Variants in RPL15 observed in about 807,000 individuals in gnomAD.
The protein encoded by RPL15 is large ribosomal subunit protein eL15.
For synonymous variants in RPL15, 97 were observed against 95.1 expected (o/e 1.02, Z -0.12); for missense variants, 161 against 271.8 (o/e 0.59, Z 2.87).
Position 23,919,729 on chromosome 3 carries a change from T to C in RPL15, c.*228T>C, listed in dbSNP as rs188707069. On this transcript the variant is annotated 3_prime_UTR_variant, in exon 4 of 4. Coordinates refer to ENST00000307839, the MANE Select transcript of RPL15 (RefSeq NM_002948.5). ...TGCTTTATCTTATTAGGGAGTTGTA[T>C]GTCAGTGTATAAAACATACTGTGTG... is the stretch of plus-strand genomic sequence containing the variant. The C allele has an allele frequency of 7.4e-7, 1 of 1,348,308 alleles. No individual in the cohort carries two copies. The highest frequency in any genetic ancestry group is 1.5e-5 in the African/African-American group (1 of 68,558). The allele number at this position is 1,348,308 out of a possible 1,614,324, so 83.5% of individuals were successfully genotyped here.
rs1174631160 is a variant in RPL15 at position 23,917,910 on chromosome 3, T to A, written c.51T>A (p.Asp17Glu). Residue 17 changes from aspartate to glutamate, a missense_variant, in exon 2 of 4, where the codon GAT becomes GAA. Transcript: ENST00000307839. ...IQELWRKKQS[D>E]VMRFLLRVRC... Reference sequence around the variant, plus strand: ...AGCTATGGAGAAAGAAGCAGTCTGATGTCATGCGCTTTCTTCTGAGGGTCC... The same window carrying A: ...AGCTATGGAGAAAGAAGCAGTCTGAAGTCATGCGCTTTCTTCTGAGGGTCC... 6.2e-7 allele frequency: 1 copy of A among 1,613,642 alleles called. No individual in the cohort carries two copies. The highest frequency in any genetic ancestry group is 8.5e-7 in the Non-Finnish European group (1 of 1,179,850).
chr3:23,919,487 C>T lies in RPL15; in HGVS notation c.601C>T (p.His201Tyr). Reference protein sequence around the residue: ...AWRRRNTLQLHRYR With the variant: ...AWRRRNTLQLYRYR ...GAGAAGGCGCAATACTCTCCAGCTC[C>T]ACCGTTACCGCTAATATAAGTAAAG... Residue 201 changes from histidine to tyrosine, a missense_variant, in exon 4 of 4, where the codon CAC becomes TAC. Transcript: ENST00000307839. The T allele has an allele frequency of 6.4e-7, 1 of 1,574,204 alleles. No homozygotes were observed.
In RPL15 at chr3:23,920,516, T is replaced by G; in HGVS notation, c.*1015T>G. ...CTATGAGTATACCACCACATTGCATTTCTGTTTGCACCATGTCTTCCAGGA... is the reference window on the plus strand; with the variant it reads ...CTATGAGTATACCACCACATTGCATGTCTGTTTGCACCATGTCTTCCAGGA... On this transcript the variant is annotated 3_prime_UTR_variant, in exon 4 of 4. Coordinates refer to ENST00000307839, the MANE Select transcript of RPL15 (RefSeq NM_002948.5). 5 of 985,272 alleles carry G rather than the reference T, an allele frequency of 5.1e-6. No individual in the cohort carries two copies. The highest frequency in any genetic ancestry group is 6.0e-6 in the Non-Finnish European group (5 of 829,798). 61.0% of individuals were successfully genotyped at this position (985,272 alleles called of 1,614,324 possible).
At chr3:23,918,161 C>T in intron 2 of RPL15, 130 bp downstream of exon 2, 8 of 1,186,760 alleles carry the variant, frequency 6.7e-6, no homozygotes, top group Middle Eastern at 2.8e-4. Flanking sequence ...AAGCTAGCAA[C>T]ACTGGTCAGT....
downstream of RPL15, chr3:23,921,511 C>G (rs1705078157): frequency 3.0e-6 from 2 of 674,226 alleles, no homozygotes; most frequent in Non-Finnish European, 5.3e-6. Flanking sequence ...CAAGCTGTTC[C>G]CATTTGCTTT....
chr3:23,920,765 AAAG>A lies in RPL15; in HGVS notation c.*1267_*1269del. On this transcript the variant is annotated 3_prime_UTR_variant, in exon 4 of 4. Coordinates refer to ENST00000307839, the MANE Select transcript of RPL15 (RefSeq NM_002948.5). ...TTGAGACCTAAATTTCTTCACAAAAAAAGAAAAGATCTTAAGTCATACATTTTA... is the reference window on the plus strand; with the variant it reads ...TTGAGACCTAAATTTCTTCACAAAAAAAAAGATCTTAAGTCATACATTTTA... The A allele has an allele frequency of 1.0e-6, 1 of 971,244 alleles. No individual in the cohort carries two copies. Among genetic ancestry groups the A allele is most frequent in the Non-Finnish European group, 1.2e-6 (1 of 816,974 alleles). The allele number at this position is 971,244 out of a possible 1,614,324, so 60.2% of individuals were successfully genotyped here. A position where few individuals can be genotyped will look rare whatever the true frequency, so the allele number is the denominator to read the frequency against.
At chr3:23,918,144 C>A in intron 2 of RPL15, 113 bp downstream of exon 2, 1 of 1,327,774 alleles carries the variant, frequency 7.5e-7, no homozygotes, top group Non-Finnish European at 1.0e-6. Flanking sequence ...AGGGCTTTGG[C>A]AGAAAAAAGC....
rs1704983404 is a variant in RPL15, at chr3:23,920,010, GCTC to G, written c.*512_*514del. 5.1e-6 allele frequency: 5 copies of G among 986,764 alleles called. No individual in the cohort carries two copies. Among genetic ancestry groups the G allele is most frequent in the Admixed American group, 1.2e-4 (2 of 16,408 alleles). The allele number at this position is 986,764 out of a possible 1,614,324, so 61.1% of individuals were successfully genotyped here. ...TTTTAAATTCACATAAAAGGTGAAA[GCTC>G]CTGGTTCAGTGCCATGGCTTCATGG... On this transcript the variant is annotated 3_prime_UTR_variant, in exon 4 of 4. Coordinates refer to ENST00000307839, the MANE Select transcript of RPL15 (RefSeq NM_002948.5).
chr3:23,918,135 G>A, intron 2 of RPL15, 104 bp downstream of exon 2: 1 of 1,402,998 alleles, frequency 7.1e-7, no homozygotes, highest in African/African-American at 1.4e-5. Context: ...TCTTCGCATA[G>A]GGCTTTGGCA....
At chr3:23,918,261 T>C (rs1704794319) in intron 2 of RPL15, 179 bp from the exon 3 acceptor site, 3 of 898,780 alleles carry the variant, frequency 3.3e-6, no homozygotes, top group Middle Eastern at 3.5e-4. Context: ...ACAGTGTGCC[T>C]CCCTGTGTGA....
intron 2 of RPL15, 76 bp downstream of exon 2, chr3:23,918,107 C>T (rs1704773927): frequency 2.0e-6 from 3 of 1,520,156 alleles, no homozygotes; most frequent in South Asian, 2.5e-5. Flanking sequence ...TAGGAAGACA[C>T]TGCTGCCTCA....
At chr3:23,918,093 CT>C (rs1307332638) in intron 2 of RPL15, 62 bp downstream of exon 2, 2 of 1,560,466 alleles carry the variant, frequency 1.3e-6, no homozygotes, top group Non-Finnish European at 1.7e-6. Context: ...TGGAAACCAG[CT>C]GTTAGGAAGA....
downstream of RPL15, among the ~76,000 whole-genome samples, chr3:23,924,557 A>G (rs1443841564): frequency 6.6e-6 from 1 of 152,124 alleles, no homozygotes; most frequent in African/African-American, 2.4e-5. Context: ...GGTGTGCGCC[A>G]CTACTAATTT....
chr3:23,922,992 CAG>C (rs1474871131), downstream of RPL15: 1 of 151,966 alleles, frequency 6.6e-6, no homozygotes, highest in African/African-American at 2.4e-5. The surrounding 1 kb of genome is among the most constrained non-coding windows in gnomAD (Gnocchi z 4.2). Flanking sequence ...TTTGTAGAGA[CAG>C]GGTTTCACCA....
chr3:23,919,130 ATTCT>A lies in RPL15; in HGVS notation c.310-61_310-58del, dbSNP rs1357058510. ...TGGTGAACTAGAGTTGAGAATTAAA[ATTCT>A]TTCTGACTTGCTGCTATAGGCAATG... On this transcript the variant is annotated intron_variant, in intron 3 of 3. Coordinates refer to ENST00000307839, the MANE Select transcript of RPL15 (RefSeq NM_002948.5). The A allele has an allele frequency of 4.5e-6, 5 of 1,115,936 alleles. No homozygotes were observed. In the African/African-American group the frequency reaches 6.2e-5, roughly 14 times the overall value. The allele number at this position is 1,115,936 out of a possible 1,614,324, so 69.1% of individuals were successfully genotyped here. A position where few individuals can be genotyped will look rare whatever the true frequency, so the allele number is the denominator to read the frequency against.
rs775237097 is a variant in RPL15, at chr3:23,918,568, G to A, written c.301G>A (p.Val101Ile). The A allele has an allele frequency of 6.2e-7, 1 of 1,613,604 alleles. No homozygotes were observed. Among genetic ancestry groups the A allele is most frequent in the Non-Finnish European group, 8.5e-7 (1 of 1,179,858 alleles). ...AAAGTTTGCTCGAAGCCTTCAGTCC[G>A]TTGCAGAGGTAAATGGTTTTGAGTA... is the stretch of plus-strand genomic sequence containing the variant. ...QLKFARSLQS[V>I]AEERAGRHCG... The change falls in exon 3 of 4, where the codon GTT (valine) becomes ATT (isoleucine). Residue 101 changes from valine (V) to isoleucine (I), a missense_variant. Val to Ile is a conservative substitution (Grantham distance 29). Coordinates refer to ENST00000307839, the MANE Select transcript of RPL15 (RefSeq NM_002948.5).
At chr3:23,921,561 G>C, downstream of RPL15, 1 of 627,984 alleles carries the variant, frequency 1.6e-6, no homozygotes. Flanking sequence ...CAGCAACATT[G>C]ATTATTGAGT....
rs2125258139 is a variant in RPL15 at position 23,920,391 on chromosome 3, A to G, written c.*890A>G. 2 of 985,378 alleles carry G rather than the reference A, an allele frequency of 2.0e-6. No homozygotes were observed. The highest frequency in any genetic ancestry group is 2.4e-6 in the Non-Finnish European group (2 of 829,864). The allele number at this position is 985,378 out of a possible 1,614,324, so 61.0% of individuals were successfully genotyped here. ...AGTCACAAGCGCATGGTTTCCAACC[A>G]TATGTGTTTTCTGCAGTTATTTCTC... On this transcript the variant is annotated 3_prime_UTR_variant, in exon 4 of 4. Coordinates refer to ENST00000307839, the MANE Select transcript of RPL15 (RefSeq NM_002948.5).
Position 23,920,467 on chromosome 3 carries a change from C to T in RPL15, c.*966C>T, listed in dbSNP as rs755797946. 4.1e-6 allele frequency: 4 copies of T among 985,264 alleles called. No individual in the cohort carries two copies. The highest frequency in any genetic ancestry group is 1.7e-5 in the African/African-American group (1 of 57,248). The allele number at this position is 985,264 out of a possible 1,614,324, so 61.0% of individuals were successfully genotyped here. On this transcript the variant is annotated 3_prime_UTR_variant, in exon 4 of 4. Transcript: ENST00000307839. ...ATCCTTACCATTCCACAAAGTTGGA[C>T]CATCACTTGTGCACCCACTTTGACT... is the stretch of plus-strand genomic sequence containing the variant.
Sources: gnomAD v4.1 joint callset for allele counts (sites outside exome capture counted in the v4.1 genomes callset) on GRCh38, gnomAD v4.1.1 for gene constraint, Gnocchi (gnomAD v3.1) non-coding constraint, MANE v1.5 for transcripts, NCBI Gene and HGNC (gene_info 2026-07-23, HGNC 2026-07-21) for gene names.